Variants in PLXNA2 observed in about 807,000 individuals in gnomAD.
PLXNA2 encodes plexin A2.
A neutral mutation model predicts 193.5 loss-of-function variants in PLXNA2; 91 were observed. That is an observed-to-expected ratio of 0.47 (90% CI 0.40 to 0.56). The LOEUF (loss-of-function observed/expected upper bound fraction) is 0.56. Ranked by LOEUF, PLXNA2 falls within the 20% of genes least tolerant of loss-of-function variation. PLXNA2 has a pLI of 0.00. For synonymous variants in PLXNA2, 997 were observed against 1,027.3 expected, an observed-to-expected ratio of 0.97 and a Z score of 0.56; for missense variants, 1,995 against 2,503.2, an observed-to-expected ratio of 0.80 and a Z score of 4.33.
intron 17 of PLXNA2, 46 bp downstream of exon 17, chr1:208,050,963 C>G: frequency 7.2e-7 from 1 of 1,394,756 alleles, no homozygotes; most frequent in Non-Finnish European, 1.0e-6. Context: ...AACATCAACA[C>G]AGAGCTGTGT....
intron 4 of PLXNA2, among the ~76,000 whole-genome samples, chr1:208,129,748 T>C (rs1378942059): frequency 6.6e-6 from 1 of 152,220 alleles, no homozygotes; most frequent in Non-Finnish European, 1.5e-5. Flanking sequence ...CTCTGCATAC[T>C]GTATTGTAAC....
intron 4 of PLXNA2, among the ~76,000 whole-genome samples, chr1:208,106,490 C>T (rs751246819): frequency 1.4e-4 from 21 of 152,338 alleles, no homozygotes; most frequent in Middle Eastern, 3.4e-3. Flanking sequence ...TTCAGAGCAA[C>T]GAGAAAACAC....
intron 4 of PLXNA2, among the ~76,000 whole-genome samples, chr1:208,111,946 T>C (rs1057228908): frequency 2.6e-5 from 4 of 152,238 alleles, no homozygotes; most frequent in African/African-American, 7.2e-5. Context: ...CACAACCTTC[T>C]GACCAGAAGC....
chr1:208,234,576 G>C lies in PLXNA2; in HGVS notation c.-81+9067C>G, dbSNP rs571416727. On this transcript the variant is annotated intron_variant, in intron 1 of 31. Transcript: ENST00000367033. Reference sequence around the variant, plus strand: ...GACATCCTGCTAGGTTTTGACCGATGATCAGTGCTACCAAGGATCTGATCC... The same window carrying C: ...GACATCCTGCTAGGTTTTGACCGATCATCAGTGCTACCAAGGATCTGATCC... Among the ~76,000 whole-genome samples the C allele has an allele frequency of 5.9e-4, 90 of 152,304 alleles. 1 individual carries two copies. Among genetic ancestry groups the C allele is most frequent in the Non-Finnish European group, 1.2e-3 (79 of 68,032 alleles).
chr1:208,244,310 C>T lies in PLXNA2; in HGVS notation c.-748G>A, dbSNP rs1422485966. Reference sequence around the variant, plus strand: ...GCAGCTCTGGCTCCCGCGGTGGCGGCGGCGGCGGCGGCGGCGGCGGCGGCG... The same window carrying T: ...GCAGCTCTGGCTCCCGCGGTGGCGGTGGCGGCGGCGGCGGCGGCGGCGGCG... On this transcript the variant is annotated 5_prime_UTR_variant, in exon 1 of 32. Coordinates refer to ENST00000367033, the MANE Select transcript of PLXNA2 (RefSeq NM_025179.4). 0.2 allele frequency: 21 copies of T among 106 alleles called. 1 individual carries two copies. The highest frequency in any genetic ancestry group is 0.42 in the South Asian group (10 of 24). 0.0% of individuals were successfully genotyped at this position (106 alleles called of 1,614,324 possible).
chr1:208,196,935 G>A (rs1320332132), intron 3 of PLXNA2, among the ~76,000 whole-genome samples: 1 of 152,132 alleles, frequency 6.6e-6, no homozygotes, highest in Non-Finnish European at 1.5e-5. Context: ...GGGAAGGCAG[G>A]GAATCTTATT....
intron 3 of PLXNA2, among the ~76,000 whole-genome samples, chr1:208,186,421 C>A (rs1169713283): frequency 6.6e-6 from 1 of 152,128 alleles, no homozygotes; most frequent in African/African-American, 2.4e-5. Flanking sequence ...AAAAAACAAA[C>A]AAACGGAAAA....
At chr1:208,077,591 A>T (rs1310746005) in intron 12 of PLXNA2, among the ~76,000 whole-genome samples, 1 of 152,220 alleles carries the variant, frequency 6.6e-6, no homozygotes, top group African/African-American at 2.4e-5. Flanking sequence ...CAACTGCAGC[A>T]GCAAGAATTA....
chr1:208,193,918 AATAAATAACGAAAAATTTT>A (rs1327643163), intron 3 of PLXNA2, among the ~76,000 whole-genome samples: 5 of 152,102 alleles, frequency 3.3e-5, no homozygotes, highest in African/African-American at 9.7e-5. Context: ...TTAAATGTAA[AATAAATAACGAAAAATTTT>A]ATTAAAAAAA....
At chr1:208,164,758 G>C (rs551511841) in intron 3 of PLXNA2, among the ~76,000 whole-genome samples, 1 of 152,184 alleles carries the variant, frequency 6.6e-6, no homozygotes, top group African/African-American at 2.4e-5. Flanking sequence ...GCGTCAGTCC[G>C]GCAGCGGCTC....
chr1:208,208,558 C>T (rs75525002), intron 3 of PLXNA2, among the ~76,000 whole-genome samples: 1,956 of 152,308 alleles, frequency 0.013, 62 homozygotes, highest in East Asian at 0.12. Context: ...AAGAAGGGAA[C>T]AGTCCAAAAA....
rs1671875874 is a variant in PLXNA2, at chr1:208,236,928, G to A, written c.-81+6715C>T. On this transcript the variant is annotated intron_variant, in intron 1 of 31. Coordinates refer to ENST00000367033, the MANE Select transcript of PLXNA2 (RefSeq NM_025179.4). This position sits in a 1 kb window ranked among gnomAD's most constrained non-coding sequence, Gnocchi z 4.4. ...CTAGCTCTGTGCTTCCCAGTGCAGG[G>A]GTCAGTTCCCTGACAGCATCACTGA... Among the ~76,000 whole-genome samples, 1 of 152,178 alleles carries A rather than the reference G, an allele frequency of 6.6e-6. No individual in the cohort carries two copies. Among genetic ancestry groups the A allele is most frequent in the Non-Finnish European group, 1.5e-5 (1 of 68,042 alleles).
intron 4 of PLXNA2, among the ~76,000 whole-genome samples, chr1:208,113,274 A>G (rs1220321984): frequency 6.6e-6 from 1 of 152,120 alleles, no homozygotes; most frequent in African/African-American, 2.4e-5. Flanking sequence ...GTGGGGTGAT[A>G]AGGCAGGGAT....
At chr1:208,233,691 C>G (rs1327298633) in intron 1 of PLXNA2, among the ~76,000 whole-genome samples, 1 of 152,264 alleles carries the variant, frequency 6.6e-6, no homozygotes, top group African/African-American at 2.4e-5. Flanking sequence ...CGCCTCCCAG[C>G]CAGCACAGTT....
chr1:208,167,450 C>T (rs970860582), intron 3 of PLXNA2, among the ~76,000 whole-genome samples: 2 of 152,206 alleles, frequency 1.3e-5, no homozygotes, highest in African/African-American at 4.8e-5. Context: ...CACGTGTCCC[C>T]TGCCCAGTGC....
At chr1:208,170,002 G>A (rs377759016) in intron 3 of PLXNA2, among the ~76,000 whole-genome samples, 9 of 152,240 alleles carry the variant, frequency 5.9e-5, no homozygotes, top group East Asian at 5.8e-4. Context: ...CCAGCTAGGC[G>A]TGGGGTGCTC....
chr1:208,039,112 C>A, intron 24 of PLXNA2, 128 bp from the exon 25 acceptor site: 1 of 784,062 alleles, frequency 1.3e-6, no homozygotes, highest in South Asian at 1.9e-5. Context: ...GGGTACTTTT[C>A]TGGTCTGTGA....
intron 9 of PLXNA2, among the ~76,000 whole-genome samples, chr1:208,089,578 T>C (rs1666643822): frequency 6.6e-6 from 1 of 152,198 alleles, no homozygotes; most frequent in Non-Finnish European, 1.5e-5. Context: ...AATTTGAATT[T>C]CTATAAGTTC....
intron 20 of PLXNA2, among the ~76,000 whole-genome samples, chr1:208,043,542 A>T (rs1484225897): frequency 6.6e-6 from 1 of 152,216 alleles, no homozygotes; most frequent in Non-Finnish European, 1.5e-5. Flanking sequence ...ACCATGGCTG[A>T]GGGGGTCCAG....
Sources: allele counts gnomAD v4.1 joint callset (sites outside exome capture counted in the v4.1 genomes callset), GRCh38; gene constraint gnomAD v4.1.1; non-coding constraint Gnocchi (gnomAD v3.1); transcripts MANE v1.5; gene names NCBI Gene and HGNC (gene_info 2026-07-23, HGNC 2026-07-21).